The following PDE11A variants were observed in gnomAD, a reference collection of about 807,000 sequenced individuals.
PDE11A encodes phosphodiesterase 11A, also known as dual 3',5'-cyclic-AMP and -GMP phosphodiesterase 11A.
A neutral mutation model predicts 100.5 loss-of-function variants in PDE11A; 100 were observed. The ratio of observed to expected loss-of-function variants is 1.00; its 90% CI spans 0.85 to 1.18. PDE11A has a LOEUF of 1.18. PDE11A is among the 50% of genes most tolerant of loss of function. The pLI is 0.00. For missense variants in PDE11A, 1,141 were observed against 1,152.6 expected, an observed-to-expected ratio of 0.99 and a Z score of 0.15; for synonymous variants, 381 against 420.8, an observed-to-expected ratio of 0.91 and a Z score of 1.16.
chr2:177,852,636 C>T (rs1261432644), intron 5 of PDE11A, among the ~76,000 whole-genome samples: 1 of 152,114 alleles, frequency 6.6e-6, no homozygotes, highest in African/African-American at 2.4e-5. Context: ...GCAGGAAAGT[C>T]TCGAACACCC....
chr2:177,873,576 T>C (rs1395680289), intron 5 of PDE11A, among the ~76,000 whole-genome samples: 2 of 152,286 alleles, frequency 1.3e-5, no homozygotes, highest in South Asian at 4.1e-4. Context: ...TTTAGGTAAA[T>C]TTCTCCAAGT....
intron 9 of PDE11A, among the ~76,000 whole-genome samples, chr2:177,801,068 A>G (rs2082786445): frequency 6.6e-6 from 1 of 152,230 alleles, no homozygotes; most frequent in Non-Finnish European, 1.5e-5. Flanking sequence ...AAGAAGAAAG[A>G]GCATCATTGA....
intron 9 of PDE11A, among the ~76,000 whole-genome samples, chr2:177,795,935 C>CTATATAAATA (rs2082699869): frequency 1.5e-5 from 1 of 67,244 alleles, no homozygotes; most frequent in Non-Finnish European, 3.6e-5. Context: ...TTTGTTTAAA[C>CTATATAAATA]TATATATATA....
At chr2:178,096,181 T>TTTTTTTTTTTTTA (rs1234801707) in intron 2 of PDE11A, among the ~76,000 whole-genome samples, 2 of 148,238 alleles carry the variant, frequency 1.3e-5, no homozygotes, top group African/African-American at 2.5e-5. Flanking sequence ...TTTTTTTTTT[T>TTTTTTTTTTTTTA]GAGATGGAGT....
chr2:177,657,137 C>G (rs2080401654), intron 19 of PDE11A, among the ~76,000 whole-genome samples: 1 of 152,126 alleles, frequency 6.6e-6, no homozygotes. Context: ...TTACATAAAA[C>G]CAACACTTTT....
intron 1 of PDE11A, among the ~76,000 whole-genome samples, chr2:178,060,705 T>C (rs2086957775): frequency 6.6e-6 from 1 of 152,196 alleles, no homozygotes; most frequent in South Asian, 2.1e-4. Flanking sequence ...TTCTGTTGAA[T>C]AAACTTTGTT....
intron 2 of PDE11A, among the ~76,000 whole-genome samples, chr2:177,999,944 G>T (rs2086123618): frequency 6.6e-6 from 1 of 152,090 alleles, no homozygotes; most frequent in South Asian, 2.1e-4. Flanking sequence ...TCTCACTCCA[G>T]CTTGGGCCCT....
rs117543966 is a variant in PDE11A, at chr2:178,027,501, G to A, written c.913-13041C>T. ...AATAGATAGGCAACATACACCAGCC[G>A]TCAAGCTGGAGGTGGGTCGATATTC... On this transcript the variant is annotated intron_variant, in intron 1 of 19. Transcript: ENST00000286063. Among the ~76,000 whole-genome samples the A allele has an allele frequency of 2.7e-3, 410 of 152,244 alleles. 9 individuals carry two copies. The East Asian group carries it at 0.071, about 26-fold the overall frequency.
chr2:177,819,896 G>GTCTCTCTCTCTCTCTCTCTC (rs2083108833), intron 7 of PDE11A, among the ~76,000 whole-genome samples: 1 of 84,876 alleles, frequency 1.2e-5, no homozygotes, highest in African/African-American at 4.4e-5. Flanking sequence ...CTCTCTCTCT[G>GTCTCTCTCTCTCTCTCTCTC]TCTCTGTCTC....
At chr2:178,099,121 T>G (rs937169822) in intron 2 of PDE11A, among the ~76,000 whole-genome samples, 1 of 152,192 alleles carries the variant, frequency 6.6e-6, no homozygotes, top group Non-Finnish European at 1.5e-5. Context: ...ATCCATTTAC[T>G]GATGTTTTTA....
intron 2 of PDE11A, among the ~76,000 whole-genome samples, chr2:177,950,791 G>A (rs2085496540): frequency 6.6e-6 from 1 of 152,202 alleles, no homozygotes; most frequent in South Asian, 2.1e-4. Context: ...GGCGCCGATA[G>A]TCCCAGCTAC....
chr2:178,075,551 CAAAAAAA>C (rs397756518), upstream of PDE11A, among the ~76,000 whole-genome samples: 2 of 47,854 alleles, frequency 4.2e-5, no homozygotes, highest in African/African-American at 8.6e-5. Context: ...GACTCTGTCT[CAAAAAAA>C]AAAAAAAAAA....
chr2:177,719,083 T>C (rs1233903449), intron 12 of PDE11A, among the ~76,000 whole-genome samples: 1 of 152,118 alleles, frequency 6.6e-6, no homozygotes, highest in Non-Finnish European at 1.5e-5. Flanking sequence ...ACAGAACTGG[T>C]AGGAATGTCC....
At chr2:177,750,532 C>T (rs894715350) in intron 10 of PDE11A, among the ~76,000 whole-genome samples, 10 of 152,258 alleles carry the variant, frequency 6.6e-5, no homozygotes, top group Non-Finnish European at 1.2e-4. Context: ...AAGATTCTCT[C>T]TGCCTTTCTT....
intron 10 of PDE11A, among the ~76,000 whole-genome samples, chr2:177,759,205 A>ACG (rs1449959241): frequency 6.7e-6 from 1 of 149,816 alleles, no homozygotes; most frequent in East Asian, 2.0e-4. Flanking sequence ...ACACACACGC[A>ACG]CACACAAATG....
intron 12 of PDE11A, among the ~76,000 whole-genome samples, chr2:177,725,281 C>T (rs554366398): frequency 1.3e-5 from 2 of 150,980 alleles, no homozygotes; most frequent in East Asian, 3.9e-4. Flanking sequence ...ACCAGATTGA[C>T]CAGAGTCAAG....
At chr2:177,855,463 GA>G (rs2083815294) in intron 5 of PDE11A, among the ~76,000 whole-genome samples, 1 of 151,924 alleles carries the variant, frequency 6.6e-6, no homozygotes, top group South Asian at 2.1e-4. Context: ...TGAATCTCAG[GA>G]AAAACAGCAA....
chr2:178,007,421 T>C (rs1312157037), intron 2 of PDE11A, among the ~76,000 whole-genome samples: 1 of 152,212 alleles, frequency 6.6e-6, no homozygotes, highest in Non-Finnish European at 1.5e-5. Flanking sequence ...CAGTCAGATA[T>C]AGTCAAGTGA....
intron 16 of PDE11A, among the ~76,000 whole-genome samples, chr2:177,679,388 G>T (rs925413689): frequency 6.6e-6 from 1 of 152,134 alleles, no homozygotes. Flanking sequence ...TGTTAAAATA[G>T]ACAATCAAAA....
Sources: allele counts gnomAD v4.1 joint callset (sites outside exome capture counted in the v4.1 genomes callset), GRCh38; gene constraint gnomAD v4.1.1; transcripts MANE v1.5; gene names NCBI Gene and HGNC (gene_info 2026-07-23, HGNC 2026-07-21).